Variants in CTNNA3 observed in about 807,000 individuals in gnomAD.
CTNNA3 encodes catenin alpha-3.
CTNNA3 carries 76 observed loss-of-function variants against 95.7 expected under a neutral mutation model. The ratio of observed to expected loss-of-function variants is 0.79; its 90% CI spans 0.66 to 0.96. The LOEUF (loss-of-function observed/expected upper bound fraction) is 0.96. Ranked by LOEUF, CTNNA3 falls within the 40% of genes least tolerant of loss-of-function variation. The pLI, the probability that CTNNA3 is intolerant of heterozygous loss-of-function variation, is 0.00. For synonymous variants in CTNNA3, 431 were observed against 374.4 expected (o/e 1.15, Z -1.74); for missense variants, 1,191 against 1,089.8 (o/e 1.09, Z -1.31).
At chr10:66,686,758 A>C (rs1847311332) in intron 9 of CTNNA3, among the ~76,000 whole-genome samples, 1 of 152,182 alleles carries the variant, frequency 6.6e-6, no homozygotes, top group African/African-American at 2.4e-5. Context: ...AATATAGTAA[A>C]AAGCAGAGCT....
intron 5 of CTNNA3, among the ~76,000 whole-genome samples, chr10:67,311,721 G>A (rs570581203): frequency 4.6e-5 from 7 of 152,058 alleles, no homozygotes; most frequent in African/African-American, 1.7e-4. Flanking sequence ...CACCAAAAAG[G>A]CTGCTAAAAA....
At chr10:67,195,270 C>A (rs1863298404) in intron 6 of CTNNA3, among the ~76,000 whole-genome samples, 1 of 152,098 alleles carries the variant, frequency 6.6e-6, no homozygotes, top group Non-Finnish European at 1.5e-5. Flanking sequence ...GGATACTTAT[C>A]TTTAAGAAAA....
At chr10:66,041,338 A>G (rs1447917685) in intron 15 of CTNNA3, among the ~76,000 whole-genome samples, 1 of 152,222 alleles carries the variant, frequency 6.6e-6, no homozygotes, top group Admixed American at 6.5e-5. Flanking sequence ...CCAATTAGTA[A>G]AAGAACTGGT....
intron 2 of CTNNA3, among the ~76,000 whole-genome samples, chr10:67,630,256 C>T (rs1186687023): frequency 6.6e-6 from 1 of 152,236 alleles, no homozygotes; most frequent in Admixed American, 6.5e-5. Flanking sequence ...GGCAGGATCA[C>T]ATACCCAACA....
intron 4 of CTNNA3, among the ~76,000 whole-genome samples, chr10:67,536,946 G>A (rs1328425679): frequency 1.3e-5 from 2 of 152,102 alleles, no homozygotes; most frequent in East Asian, 3.9e-4. Flanking sequence ...AAATAATTGA[G>A]TTGATAATGA....
At chr10:67,060,271 T>C (rs1855686509) in intron 7 of CTNNA3, among the ~76,000 whole-genome samples, 1 of 152,096 alleles carries the variant, frequency 6.6e-6, no homozygotes, top group African/African-American at 2.4e-5. Flanking sequence ...TGAGCCGAGA[T>C]TGTGCCACTA....
intron 11 of CTNNA3, among the ~76,000 whole-genome samples, chr10:66,456,900 C>G (rs1406320035): frequency 2.6e-5 from 4 of 152,044 alleles, no homozygotes; most frequent in African/African-American, 9.7e-5. Context: ...TCAAGACCAG[C>G]CTGGGTAACA....
At chr10:66,330,118 A>C (rs2092306497) in intron 12 of CTNNA3, among the ~76,000 whole-genome samples, 1 of 151,946 alleles carries the variant, frequency 6.6e-6, no homozygotes, top group African/African-American at 2.4e-5. Context: ...TGCACAAGGT[A>C]AAAGTTTGTT....
intron 10 of CTNNA3, among the ~76,000 whole-genome samples, chr10:66,615,976 T>C (rs1488087247): frequency 6.6e-6 from 1 of 152,032 alleles, no homozygotes; most frequent in Non-Finnish European, 1.5e-5. Flanking sequence ...AAATATAAAA[T>C]GTTTACTTTT....
intron 9 of CTNNA3, among the ~76,000 whole-genome samples, chr10:66,651,526 G>A (rs866396915): frequency 2.6e-5 from 4 of 152,208 alleles, no homozygotes; most frequent in East Asian, 3.9e-4. Context: ...AGCGCCCATC[G>A]GGGAGGCTCG....
chr10:66,706,370 T>A (rs74510029), intron 9 of CTNNA3, among the ~76,000 whole-genome samples: 2 of 151,726 alleles, frequency 1.3e-5, no homozygotes, highest in Non-Finnish European at 2.9e-5. Context: ...TTTTTTTTTT[T>A]AATTGGACCA....
At chr10:66,759,935 G>T (rs1412638050) in intron 9 of CTNNA3, among the ~76,000 whole-genome samples, 2 of 152,084 alleles carry the variant, frequency 1.3e-5, no homozygotes, top group Non-Finnish European at 2.9e-5. Flanking sequence ...GTGGATCCTA[G>T]AAAATTTAAA....
At chr10:66,407,087 A>C (rs1836476120) in intron 11 of CTNNA3, among the ~76,000 whole-genome samples, 1 of 152,102 alleles carries the variant, frequency 6.6e-6, no homozygotes, top group Admixed American at 6.5e-5. Flanking sequence ...CAAGAATATC[A>C]AACACCAGCC....
intron 5 of CTNNA3, among the ~76,000 whole-genome samples, chr10:67,350,335 A>C (rs184063068): frequency 6.6e-6 from 1 of 152,194 alleles, no homozygotes; most frequent in African/African-American, 2.4e-5. Context: ...ATTGCTGGGG[A>C]CAATGTATAG....
At chr10:66,158,197 C>T (rs1480204685) in intron 13 of CTNNA3, among the ~76,000 whole-genome samples, 1 of 151,980 alleles carries the variant, frequency 6.6e-6, no homozygotes, top group Non-Finnish European at 1.5e-5. Flanking sequence ...TTTGTTTTTA[C>T]TGAATTTGCT....
intron 7 of CTNNA3, among the ~76,000 whole-genome samples, chr10:66,879,747 G>C (rs1347815551): frequency 6.6e-6 from 1 of 152,082 alleles, no homozygotes. Flanking sequence ...AATAGATAGA[G>C]ACAGAAGGCA....
chr10:66,461,830 T>G (rs2093531735), intron 11 of CTNNA3, among the ~76,000 whole-genome samples: 1 of 138,074 alleles, frequency 7.2e-6, no homozygotes, highest in African/African-American at 2.7e-5. Flanking sequence ...TTTTTTTTTT[T>G]GAGATGGAGT....
rs552455811 is a variant in CTNNA3 at position 66,889,387 on chromosome 10, T to C, written c.1048-113863A>G. ...TGTAAACTGTGGGCTCTGGGTGATA[T>C]GTCAATATAGGTTCAGCAATTGTAA... On this transcript the variant is annotated intron_variant, in intron 7 of 17. Coordinates refer to ENST00000433211, the MANE Select transcript of CTNNA3 (RefSeq NM_013266.4). 1.4e-3 allele frequency among the ~76,000 whole-genome samples: 214 copies of C among 152,264 alleles called. 1 individual carries two copies. Among genetic ancestry groups the C allele is most frequent in the African/African-American group, 4.7e-3 (196 of 41,564 alleles).
chr10:66,459,713 G>A (rs1028557628), intron 11 of CTNNA3, among the ~76,000 whole-genome samples: 4 of 152,108 alleles, frequency 2.6e-5, no homozygotes, highest in Non-Finnish European at 4.4e-5. Context: ...GCATGTTGCT[G>A]TACTAAATAC....
Sources: allele counts gnomAD v4.1 joint callset (sites outside exome capture counted in the v4.1 genomes callset), GRCh38; gene constraint gnomAD v4.1.1; transcripts MANE v1.5; gene names NCBI Gene and HGNC (gene_info 2026-07-23, HGNC 2026-07-21).